NEB: variants seen among roughly 807,000 people sequenced by gnomAD.
NEB encodes nebulin.
A neutral mutation model predicts 952.2 loss-of-function variants in NEB; 512 were observed. That is an observed-to-expected ratio of 0.54 (90% confidence interval 0.50 to 0.58). NEB has a LOEUF of 0.58. NEB is among the 20% of genes least tolerant of loss of function. The probability of loss-of-function intolerance (pLI) is 0.00; values close to 1 mark genes in which losing one functional copy is unlikely to be tolerated. For synonymous variants in NEB, 2,900 were observed against 3,149.8 expected, an observed-to-expected ratio of 0.92 and a Z score of 2.66; for missense variants, 8,428 against 9,231.1, an observed-to-expected ratio of 0.91 and a Z score of 3.56.
intron 9 of NEB, among the ~76,000 whole-genome samples, chr2:151,719,575 C>T (rs1260891528): frequency 2.0e-5 from 3 of 152,146 alleles, no homozygotes; most frequent in African/African-American, 7.2e-5. Context: ...CACAAACAAG[C>T]CTGGCTTAAT....
Position 151,669,018 on chromosome 2 carries a change from A to G in NEB, c.4611+9T>C. ...CATACGCAATATTAGCACTGGGCCA[A>G]ATACTCACATCACTCATGTTGAGGG... On this transcript the variant is annotated intron_variant, in intron 39 of 181. Coordinates refer to ENST00000397345, the MANE Select transcript of NEB (RefSeq NM_001164508.2). 1 of 1,565,732 alleles carries G rather than the reference A, an allele frequency of 6.4e-7. No individual in the cohort carries two copies. Among genetic ancestry groups the G allele is most frequent in the East Asian group, 2.3e-5 (1 of 43,820 alleles).
chr2:151,664,655 G>T, intron 43 of NEB, 47 bp from the exon 44 acceptor site: 1 of 1,546,174 alleles, frequency 6.5e-7, no homozygotes, highest in Non-Finnish European at 8.8e-7. Flanking sequence ...ATTGGGGTTA[G>T]AATAGAGGTC....
Position 151,655,900 on chromosome 2 carries a change from G to C in NEB, c.6619C>G (p.His2207Asp). The C allele has an allele frequency of 6.2e-7, 1 of 1,613,832 alleles. No individual in the cohort carries two copies. The highest frequency in any genetic ancestry group is 1.1e-5 in the South Asian group (1 of 91,080). ...EYASDQKYRQ[H>D]PSNFQFKKLT... ...TTCTTAAACTGGAAGTTGCTCGGGT[G>C]CTGGCGGTATTTCTGATCACTGGCA... The change falls in exon 50 of 182, where the codon CAC becomes GAC. Residue 2207 changes from histidine (H) to aspartate (D), a missense_variant. Physicochemically the swap from His to Asp is moderately conservative, Grantham distance 81. Coordinates refer to ENST00000397345, the MANE Select transcript of NEB (RefSeq NM_001164508.2).
At position 151,659,162 on chromosome 2, in the gene NEB, T is replaced by C; in HGVS notation, c.5978A>G (p.Tyr1993Cys). The C allele has an allele frequency of 1.2e-6, 2 of 1,605,266 alleles. No homozygotes were observed. The highest frequency in any genetic ancestry group is 2.2e-5 in the East Asian group (1 of 44,804). Residue 1993 changes from tyrosine (Y) to cysteine (C), a missense_variant, in exon 47 of 182, where the codon TAC becomes TGC. Tyr to Cys is a radical substitution (Grantham distance 194). Transcript: ENST00000397345. Reference protein sequence around the residue: ...NNAKIMNEHLYKQAWEADKTK... With the variant: ...NNAKIMNEHLCKQAWEADKTK... ...TTTGTCAGCCTCCCATGCTTGTTTG[T>C]AGAGATGCTAGGAAAAAAACAGTGT...
rs376609115 is a variant in NEB at position 151,519,713 on chromosome 2, G to C, written c.22535C>G (p.Pro7512Arg). 6.2e-7 allele frequency: 1 copy of C among 1,612,790 alleles called. No homozygotes were observed. Among genetic ancestry groups the C allele is most frequent in the African/African-American group, 1.3e-5 (1 of 74,932 alleles). The change falls in exon 154 of 182, where the codon CCA becomes CGA. Residue 7512 changes from proline to arginine, a missense_variant. By Grantham distance (103) the Pro-to-Arg change is moderately radical. Coordinates refer to ENST00000397345, the MANE Select transcript of NEB (RefSeq NM_001164508.2). Reference protein sequence around the residue: ...KEKGKTPKYNPKDSQLYKVMK... With the variant: ...KEKGKTPKYNRKDSQLYKVMK... Reference sequence around the variant, plus strand: ...GACTTTGTAGAGCTGGCTGTCTTTTGGATTGTATTTTGGTGTCTTGCCCTT... The same window carrying C: ...GACTTTGTAGAGCTGGCTGTCTTTTCGATTGTATTTTGGTGTCTTGCCCTT...
Position 151,655,306 on chromosome 2 carries a change from A to G in NEB, c.6771T>C (p.Ile2257=). 6.3e-7 allele frequency: 1 copy of G among 1,598,674 alleles called. No homozygotes were observed. ...KIHVMPDTPD[I]LQAKQNQTLY... ...GTGTTTGATTCTGCTTGGCTTGTAA[A>G]ATATCTGGTGTATCAGGCATCACAT... The change falls in exon 51 of 182, where the codon ATT becomes ATC. Residue 2257 remains isoleucine, a synonymous_variant. Transcript: ENST00000397345.
At chr2:151,515,049 C>A in intron 157 of NEB, 121 bp from the exon 158 acceptor site, 1 of 642,988 alleles carries the variant, frequency 1.6e-6, no homozygotes. Context: ...CATAGTTCTG[C>A]TAATGGTCAC....
At position 151,527,479 on chromosome 2, in the gene NEB, A is replaced by G. The variant is rs1012037024; in HGVS notation, c.21840+2T>C. ...CAATCGTCTGTGTCTCTCCTGTCTTACATCGCTTTGCTGCAGGGATGACTT... is the reference window on the plus strand; with the variant it reads ...CAATCGTCTGTGTCTCTCCTGTCTTGCATCGCTTTGCTGCAGGGATGACTT... On this transcript the variant is annotated splice_donor_variant, in intron 147 of 181. Coordinates refer to ENST00000397345, the MANE Select transcript of NEB (RefSeq NM_001164508.2). LOFTEE classifies it high-confidence loss of function. The G allele has an allele frequency of 1.2e-6, 2 of 1,609,072 alleles. No individual in the cohort carries two copies. Among genetic ancestry groups the G allele is most frequent in the East Asian group, 2.2e-5 (1 of 44,790 alleles).
intron 138 of NEB, among the ~76,000 whole-genome samples, chr2:151,538,847 A>G (rs1407165477): frequency 6.6e-6 from 1 of 152,088 alleles, no homozygotes; most frequent in African/African-American, 2.4e-5. Context: ...AATATCATAG[A>G]TGATTCATCT....
In NEB at chr2:151,499,362, C is replaced by T; in HGVS notation, c.24050G>A (p.Gly8017Glu). 1 of 1,545,654 alleles carries T rather than the reference C, an allele frequency of 6.5e-7. No homozygotes were observed. The highest frequency in any genetic ancestry group is 8.7e-7 in the Non-Finnish European group (1 of 1,143,138). The change falls in exon 169 of 182, where the codon GGG (glycine) becomes GAG (glutamate). Residue 8017 changes from glycine to glutamate, a missense_variant. Physicochemically the swap from Gly to Glu is moderately conservative, Grantham distance 98. Around this residue, in one of 11 missense-constraint regions of NEB, gnomAD observed 3,374 missense variants for 3,651.5 expected, o/e 0.92. Coordinates refer to ENST00000397345, the MANE Select transcript of NEB (RefSeq NM_001164508.2). Reference sequence around the variant, plus strand: ...CTCTGGAGTGATGGGGATTGGAATCCCTTTTCCAACGTTTTCTTTATACAA... The same window carrying T: ...CTCTGGAGTGATGGGGATTGGAATCTCTTTTCCAACGTTTTCTTTATACAA... ...SVLYKENVGK[G>E]IPIPITPEME...
At chr2:151,623,312 A>G (rs996436736) in intron 71 of NEB, among the ~76,000 whole-genome samples, 2 of 152,184 alleles carry the variant, frequency 1.3e-5, no homozygotes, top group African/African-American at 4.8e-5. Flanking sequence ...GCTTTAAGGG[A>G]AAAACTACAA....
At chr2:151,632,390 A>T (rs2098686448) in intron 65 of NEB, among the ~76,000 whole-genome samples, 1 of 151,976 alleles carries the variant, frequency 6.6e-6, no homozygotes, top group Non-Finnish European at 1.5e-5. Context: ...CAAGAATGAA[A>T]ACAGGACAGG....
rs767929935 is a variant in NEB, at chr2:151,621,045, GC to G, written c.10453-20del. 4.5e-6 allele frequency: 7 copies of G among 1,564,218 alleles called. 1 individual carries two copies. In the South Asian group the frequency reaches 8.1e-5, roughly 18 times the overall value. ...AGAGGCTCTGAGGAAAGAAGGAGTA[GC>G]TTTTAAATATAGAATTCACATTCAC... On this transcript the variant is annotated intron_variant, in intron 71 of 181. Coordinates refer to ENST00000397345, the MANE Select transcript of NEB (RefSeq NM_001164508.2).
chr2:151,697,938 T>C (rs1478396019), intron 13 of NEB, among the ~76,000 whole-genome samples: 2 of 151,960 alleles, frequency 1.3e-5, no homozygotes, highest in African/African-American at 4.8e-5. Flanking sequence ...TGGTGGCGGG[T>C]GCCTGTAATC....
intron 144 of NEB, 118 bp from the exon 145 acceptor site, chr2:151,531,219 A>T: frequency 1.4e-6 from 1 of 694,796 alleles, no homozygotes; most frequent in Non-Finnish European, 2.5e-6. Context: ...TATGAATTTG[A>T]CAGGTGCTTT....
Position 151,650,298 on chromosome 2 carries a change from G to T in NEB, c.7309C>A (p.Arg2437=). ...TTCTCACTGATGATTTCCGAAGCCCGCTTGTTCTTTTCTGCCTCTAAAGAA... is the reference window on the plus strand; with the variant it reads ...TTCTCACTGATGATTTCCGAAGCCCTCTTGTTCTTTTCTGCCTCTAAAGAA... ...LGSLEAEKNK[R]ASEIISEKKY... is the part of the protein sequence containing the mutation. The change falls in exon 54 of 182, where the codon CGG becomes AGG. Residue 2437 remains arginine (R), a synonymous_variant. Transcript: ENST00000397345. 2.5e-6 allele frequency: 4 copies of T among 1,613,798 alleles called. No homozygotes were observed. The highest frequency in any genetic ancestry group is 3.4e-6 in the Non-Finnish European group (4 of 1,179,816).
At chr2:151,556,697 C>A (rs979184103) in intron 124 of NEB, among the ~76,000 whole-genome samples, 1 of 152,090 alleles carries the variant, frequency 6.6e-6, no homozygotes, top group African/African-American at 2.4e-5. Flanking sequence ...CACAGGAGCA[C>A]GCATATTCAT....
At chr2:151,657,613 T>C (rs2099099679) in intron 48 of NEB, among the ~76,000 whole-genome samples, 1 of 152,188 alleles carries the variant, frequency 6.6e-6, no homozygotes. Context: ...CACCCTTGCA[T>C]ACATGAGACA....
At chr2:151,604,376 T>C (rs1264571842) in intron 85 of NEB, among the ~76,000 whole-genome samples, 184 bp downstream of exon 85, 1 of 93,314 alleles carries the variant, frequency 1.1e-5, no homozygotes, top group East Asian at 2.8e-4. Flanking sequence ...AAATAAGGTC[T>C]TGCTACCATA....
Sources: allele counts gnomAD v4.1 joint callset (sites outside exome capture counted in the v4.1 genomes callset), GRCh38; gene constraint gnomAD v4.1.1; regional missense constraint gnomAD v4.1.1; transcripts MANE v1.5; gene names NCBI Gene and HGNC (gene_info 2026-07-23, HGNC 2026-07-21).